The following LOXHD1 variants were observed in gnomAD, a reference collection of about 807,000 sequenced individuals.
The protein encoded by LOXHD1 is lipoxygenase homology PLAT domains 1.
Under a neutral mutation model 248.2 loss-of-function variants are expected in LOXHD1, and 205 were observed. That is an observed-to-expected ratio of 0.83 (90% CI 0.74 to 0.93). The LOEUF (loss-of-function observed/expected upper bound fraction) is 0.93. LOXHD1 is among the 40% of genes least tolerant of loss of function. LOXHD1 has a pLI of 0.00. For missense variants in LOXHD1, 2,930 were observed against 2,971.6 expected (o/e 0.99, Z 0.33); for synonymous variants, 1,113 against 1,162.8 (o/e 0.96, Z 0.87).
At chr18:46,610,733 C>T in intron 6 of LOXHD1, 43 bp downstream of exon 6, 1 of 1,507,536 alleles carries the variant, frequency 6.6e-7, no homozygotes, top group Non-Finnish European at 8.9e-7. Context: ...AGAAGGCCCC[C>T]CTTCCAAGGC....
At position 46,641,992 on chromosome 18, in the gene LOXHD1, A is replaced by T. The variant is rs1343127006; in HGVS notation, c.290T>A (p.Val97Glu). ...FEKGNVDVFR[V>E]RTNNVGLIYK... ...GATGAGGCCCACATTGTTGGTTCTC[A>T]CCCGGAACACATCGACGTTGCCCTT... Residue 97 changes from valine (V) to glutamate (E), a missense_variant, in exon 3 of 41, where the codon GTG becomes GAG. Coordinates refer to ENST00000642948, the MANE Select transcript of LOXHD1 (RefSeq NM_001384474.1). The T allele has an allele frequency of 4.5e-6, 7 of 1,552,280 alleles. No homozygotes were observed. The highest frequency in any genetic ancestry group is 6.1e-6 in the Non-Finnish European group (7 of 1,147,116).
chr18:46,516,116 C>T (rs1028624241), intron 34 of LOXHD1, among the ~76,000 whole-genome samples: 2 of 152,210 alleles, frequency 1.3e-5, no homozygotes, highest in African/African-American at 4.8e-5. Flanking sequence ...TTTCTGTTCT[C>T]ATTTGGTCCT....
chr18:46,601,894 T>C (rs186981490), intron 7 of LOXHD1, among the ~76,000 whole-genome samples: 3 of 152,368 alleles, frequency 2.0e-5, no homozygotes, highest in African/African-American at 7.2e-5. Context: ...CGTTCAGGGC[T>C]ATCTGATTCA....
chr18:46,629,443 TTGC>T (rs1407010172), intron 4 of LOXHD1, among the ~76,000 whole-genome samples: 1 of 152,198 alleles, frequency 6.6e-6, no homozygotes, highest in East Asian at 1.9e-4. Flanking sequence ...CATTTTGCAT[TTGC>T]ACTATGCAGT....
intron 14 of LOXHD1, among the ~76,000 whole-genome samples, chr18:46,576,688 T>C (rs1357163393): frequency 6.6e-6 from 1 of 152,236 alleles, no homozygotes; most frequent in Non-Finnish European, 1.5e-5. Flanking sequence ...TAGAAGACTG[T>C]AGAGCTCTTT....
Position 46,639,949 on chromosome 18 carries a change from C to T in LOXHD1, c.327-149G>A, listed in dbSNP as rs1014406814. 9 of 955,180 alleles carry T rather than the reference C, an allele frequency of 9.4e-6. No individual in the cohort carries two copies. The Admixed American group carries it at 1.4e-4, about 14-fold the overall frequency. The allele number at this position is 955,180 out of a possible 1,614,324, so 59.2% of individuals were successfully genotyped here. On this transcript the variant is annotated intron_variant, in intron 3 of 40. Coordinates refer to ENST00000642948, the MANE Select transcript of LOXHD1 (RefSeq NM_001384474.1). Reference sequence around the variant, plus strand: ...ATCTCCTGAACCTCGGTTTCCTCATCTATAAAATGGGGATACCTTGCAAGC... The same window carrying T: ...ATCTCCTGAACCTCGGTTTCCTCATTTATAAAATGGGGATACCTTGCAAGC...
intron 37 of LOXHD1, among the ~76,000 whole-genome samples, chr18:46,502,319 G>T (rs760949259): frequency 1.3e-5 from 2 of 152,308 alleles, no homozygotes; most frequent in African/African-American, 2.4e-5. Flanking sequence ...CGAGAAACAG[G>T]CTGAGACAGA....
At chr18:46,649,758 G>T (rs2144401105) in intron 1 of LOXHD1, among the ~76,000 whole-genome samples, 1 of 152,252 alleles carries the variant, frequency 6.6e-6, no homozygotes, top group Middle Eastern at 3.4e-3. Context: ...GCAGAGCTTT[G>T]CAGGGGGTCC....
chr18:46,488,926 C>A, intron 38 of LOXHD1, 46 bp downstream of exon 38: 1 of 1,533,676 alleles, frequency 6.5e-7, no homozygotes, highest in South Asian at 1.2e-5. Flanking sequence ...CTTATTCCAG[C>A]ACCATTCCCT....
chr18:46,483,863 G>T, intron 39 of LOXHD1, 118 bp from the exon 40 acceptor site: 1 of 1,221,678 alleles, frequency 8.2e-7, no homozygotes, highest in Non-Finnish European at 1.1e-6. Flanking sequence ...GGGATGGCAA[G>T]CAGGAGCTCA....
intron 39 of LOXHD1, among the ~76,000 whole-genome samples, chr18:46,484,600 T>C (rs1474030790): frequency 4.6e-5 from 7 of 152,182 alleles, no homozygotes. Context: ...AGGTATTCTG[T>C]TATAGCAGTC....
intron 3 of LOXHD1, 23 bp from the exon 4 acceptor site, chr18:46,639,823 C>T: frequency 6.4e-7 from 1 of 1,551,642 alleles, no homozygotes; most frequent in African/African-American, 1.4e-5. Context: ...CCAAGGCCCA[C>T]ACCATCACTG....
At position 46,595,362 on chromosome 18, in the gene LOXHD1, GCTC is replaced by G. The variant is rs1262230390; in HGVS notation, c.1135-899_1135-897del. ...TACCCCTTCAAACTTCCAGAGAAATGCTCCTCCCTAGAGATAAATGATGGCTCA... is the reference window on the plus strand; with the variant it reads ...TACCCCTTCAAACTTCCAGAGAAATGCTCCCTAGAGATAAATGATGGCTCA... On this transcript the variant is annotated intron_variant, in intron 8 of 40. Coordinates refer to ENST00000642948, the MANE Select transcript of LOXHD1 (RefSeq NM_001384474.1). Among the ~76,000 whole-genome samples the G allele has an allele frequency of 2.0e-5, 3 of 152,146 alleles. No homozygotes were observed. The East Asian group carries it at 5.8e-4, about 29-fold the overall frequency.
intron 21 of LOXHD1, among the ~76,000 whole-genome samples, chr18:46,555,551 T>G (rs568338526): frequency 6.6e-6 from 1 of 152,200 alleles, no homozygotes; most frequent in East Asian, 1.9e-4. Flanking sequence ...GCCCAACAAG[T>G]CTATGGGCTG....
chr18:46,614,247 CT>C (rs1233197178), intron 5 of LOXHD1, among the ~76,000 whole-genome samples: 1 of 152,208 alleles, frequency 6.6e-6, no homozygotes, highest in Non-Finnish European at 1.5e-5. Flanking sequence ...ATAAATCATG[CT>C]GCTATAAAGA....
downstream of LOXHD1, chr18:46,477,184 C>T: frequency 1.4e-6 from 1 of 720,200 alleles, no homozygotes; most frequent in Non-Finnish European, 2.6e-6. Context: ...CTCAATTTCT[C>T]ATCCACACTC....
chr18:46,639,438 A>G (rs945384301), intron 4 of LOXHD1, among the ~76,000 whole-genome samples, 178 bp downstream of exon 4: 3 of 152,226 alleles, frequency 2.0e-5, no homozygotes, highest in African/African-American at 7.2e-5. Flanking sequence ...AAAGTTGCCC[A>G]TAGGAAGACC....
intron 37 of LOXHD1, among the ~76,000 whole-genome samples, chr18:46,504,360 C>T (rs2034429131): frequency 6.6e-6 from 1 of 152,188 alleles, no homozygotes; most frequent in Non-Finnish European, 1.5e-5. Flanking sequence ...CCTACCTCAG[C>T]CTCCCAAAGT....
chr18:46,594,205 C>G (rs1418218364), intron 9 of LOXHD1, 126 bp downstream of exon 9: 4 of 1,285,590 alleles, frequency 3.1e-6, no homozygotes, highest in Non-Finnish European at 4.2e-6. Context: ...CTTTTTCCTT[C>G]CTTTCTGGAG....
Sources: allele counts gnomAD v4.1 joint callset (sites outside exome capture counted in the v4.1 genomes callset), GRCh38; gene constraint gnomAD v4.1.1; transcripts MANE v1.5; gene names NCBI Gene and HGNC (gene_info 2026-07-23, HGNC 2026-07-21).